The following TENM2 variants were observed in gnomAD, a reference collection of about 807,000 sequenced individuals.
TENM2 encodes the protein teneurin-2.
In TENM2, 52 loss-of-function variants were observed where a neutral mutation model predicts 245.2. The observed-to-expected ratio is 0.21, with a 90% CI of 0.17 to 0.27. TENM2 has a LOEUF of 0.27. TENM2 is among the 10% of genes least tolerant of loss of function. The pLI is 1.00. For missense variants in TENM2, 3,046 were observed against 3,666.8 expected, an observed-to-expected ratio of 0.83 and a Z score of 4.37; for synonymous variants, 1,363 against 1,438.9, an observed-to-expected ratio of 0.95 and a Z score of 1.19.
At chr5:168,071,485 C>A (rs1791009610) in intron 7 of TENM2, among the ~76,000 whole-genome samples, 1 of 152,134 alleles carries the variant, frequency 6.6e-6, no homozygotes, top group African/African-American at 2.4e-5. Flanking sequence ...TTTTTATAAA[C>A]ACAGGATCAT....
At chr5:167,579,765 C>T (rs1774960689) in intron 2 of TENM2, among the ~76,000 whole-genome samples, 1 of 152,258 alleles carries the variant, frequency 6.6e-6, no homozygotes, top group African/African-American at 2.4e-5. Context: ...TCTCTGCCCC[C>T]ATATATAAGA....
the TENM2 span, among the ~76,000 whole-genome samples, chr5:167,017,160 C>T: frequency 1.3e-5 from 2 of 152,174 alleles, no homozygotes; most frequent in Non-Finnish European, 2.9e-5. Context: ...GGGTAAAAAT[C>T]TGTCCTTTGA....
intron 3 of TENM2, among the ~76,000 whole-genome samples, chr5:167,879,568 G>C (rs1201584297): frequency 6.6e-6 from 1 of 152,182 alleles, no homozygotes; most frequent in African/African-American, 2.4e-5. Context: ...TTCCAAATCA[G>C]AATAGGGTTT....
chr5:167,553,357 C>G (rs143643783), intron 2 of TENM2, among the ~76,000 whole-genome samples: 1 of 152,186 alleles, frequency 6.6e-6, no homozygotes, highest in Non-Finnish European at 1.5e-5. Context: ...AGGACCTAAA[C>G]TTTTGATAGT....
At chr5:167,628,953 C>T (rs1778691491) in intron 2 of TENM2, among the ~76,000 whole-genome samples, 2 of 152,112 alleles carry the variant, frequency 1.3e-5, no homozygotes, top group African/African-American at 4.8e-5. Context: ...TCCCTTTGGC[C>T]ACAGTCAAAT....
intron 2 of TENM2, among the ~76,000 whole-genome samples, chr5:167,845,042 C>G (rs1258423647): frequency 3.3e-5 from 5 of 152,006 alleles, no homozygotes. Flanking sequence ...TATTATGGAC[C>G]AGACTGCCAA....
At chr5:167,233,516 G>A in the TENM2 span, among the ~76,000 whole-genome samples, 1 of 152,276 alleles carries the variant, frequency 6.6e-6, no homozygotes, top group African/African-American at 2.4e-5. Context: ...CCCATCTTGA[G>A]TTGACTGCTG....
intron 2 of TENM2, among the ~76,000 whole-genome samples, chr5:167,595,474 C>A (rs1776141313): frequency 6.6e-6 from 1 of 152,200 alleles, no homozygotes; most frequent in Non-Finnish European, 1.5e-5. Context: ...AGTCTAACCT[C>A]AGCAAGATTC....
At chr5:167,012,450 G>T in the TENM2 span, among the ~76,000 whole-genome samples, 1 of 152,182 alleles carries the variant, frequency 6.6e-6, no homozygotes, top group African/African-American at 2.4e-5. Flanking sequence ...TAGTAACTAG[G>T]CTACAAGAGA....
the TENM2 span, among the ~76,000 whole-genome samples, chr5:166,988,076 C>T: frequency 6.6e-6 from 1 of 152,160 alleles, no homozygotes; most frequent in Non-Finnish European, 1.5e-5. Context: ...ATGGCAAAGG[C>T]AGAGTGCTTG....
chr5:167,354,690 G>T (rs151261684), intron 1 of TENM2, among the ~76,000 whole-genome samples: 3 of 152,126 alleles, frequency 2.0e-5, no homozygotes, highest in Admixed American at 6.5e-5. Context: ...CCACCTACTC[G>T]TTATGTGGCC....
the TENM2 span, among the ~76,000 whole-genome samples, chr5:167,014,148 T>TTTTTTTTTTC: frequency 2.0e-5 from 3 of 150,210 alleles, no homozygotes; most frequent in Non-Finnish European, 3.0e-5. Flanking sequence ...TTCTTTTTTT[T>TTTTTTTTTTC]TTTTTCTAAA....
intron 2 of TENM2, among the ~76,000 whole-genome samples, chr5:167,521,301 C>G (rs1480648887): frequency 6.6e-6 from 1 of 152,230 alleles, no homozygotes; most frequent in East Asian, 1.9e-4. Flanking sequence ...CTCAAATATT[C>G]ACATTTTTTT....
At chr5:167,932,355 C>A (rs1370889410) in intron 3 of TENM2, among the ~76,000 whole-genome samples, 1 of 152,114 alleles carries the variant, frequency 6.6e-6, no homozygotes, top group East Asian at 1.9e-4. Flanking sequence ...TGGTAGCTGT[C>A]TCATTATTAA....
At chr5:167,896,290 T>C (rs1775214158) in intron 3 of TENM2, among the ~76,000 whole-genome samples, 1 of 152,078 alleles carries the variant, frequency 6.6e-6, no homozygotes, top group African/African-American at 2.4e-5. Flanking sequence ...CATGGGGCCT[T>C]TGGGGAAAGC....
At chr5:167,710,901 A>C (rs373296488) in intron 2 of TENM2, among the ~76,000 whole-genome samples, 1 of 152,222 alleles carries the variant, frequency 6.6e-6, no homozygotes, top group East Asian at 1.9e-4. Flanking sequence ...GGCAAAGATG[A>C]TGGAGAGCTA....
chr5:168,006,580 C>T lies in TENM2; in HGVS notation c.1186+13398C>T, dbSNP rs1167794085. Among the ~76,000 whole-genome samples the T allele has an allele frequency of 2.0e-5, 3 of 152,110 alleles. No individual in the cohort carries two copies. The East Asian group carries it at 5.8e-4, about 29-fold the overall frequency. ...GCCCGCTGCCTAGATGAGTAATAAG[C>T]TTCAATAAATGTGTGACAGGCACAA... On this transcript the variant is annotated intron_variant, in intron 5 of 28. Transcript: ENST00000518659.
Position 167,351,770 on chromosome 5 carries a change from T to A in TENM2, c.227-23428T>A, listed in dbSNP as rs373097871. On this transcript the variant is annotated intron_variant, in intron 1 of 28. Transcript: ENST00000518659. ...AAAGTTTGCTGGCCCCAAGTCATTA[T>A]TTAAGGGGCAGCTGTAATCAGGTCC... Among the ~76,000 whole-genome samples, 6 of 152,236 alleles carry A rather than the reference T, an allele frequency of 3.9e-5. No homozygotes were observed. The South Asian group carries it at 1.0e-3, about 26-fold the overall frequency.
At chr5:167,786,224 T>C (rs947752765) in intron 2 of TENM2, among the ~76,000 whole-genome samples, 6 of 152,336 alleles carry the variant, frequency 3.9e-5, no homozygotes, top group Middle Eastern at 3.4e-3. Context: ...TTTACACTAT[T>C]AGACAGGATT....
Sources: gnomAD v4.1 joint callset for allele counts (sites outside exome capture counted in the v4.1 genomes callset) on GRCh38, gnomAD v4.1.1 for gene constraint, MANE v1.5 for transcripts, NCBI Gene and HGNC (gene_info 2026-07-23, HGNC 2026-07-21) for gene names.